The following ARID1B variants were observed in gnomAD, a reference collection of about 807,000 sequenced individuals.
ARID1B encodes AT-rich interactive domain-containing protein 1B.
ARID1B carries 30 observed loss-of-function variants against 212.3 expected under a neutral mutation model. The ratio of observed to expected loss-of-function variants is 0.14; its 90% CI spans 0.11 to 0.19. The LOEUF is 0.19. ARID1B is among the 10% of genes least tolerant of loss of function. The probability of loss-of-function intolerance (pLI) is 1.00; values close to 1 mark genes in which losing one functional copy is unlikely to be tolerated. For synonymous variants in ARID1B, 1,402 were observed against 1,301.7 expected, an observed-to-expected ratio of 1.08 and a Z score of -1.66; for missense variants, 2,891 against 3,204.0, an observed-to-expected ratio of 0.90 and a Z score of 2.36.
At chr6:156,858,071 G>C (rs287911) in intron 2 of ARID1B, among the ~76,000 whole-genome samples, 97,895 of 152,010 alleles carry the variant, frequency 0.64, 31,891 homozygotes, top group African/African-American at 0.7. Context: ...CTGTCATTTC[G>C]AACAACGTGG....
At chr6:157,023,252 A>T (rs774857218) in intron 4 of ARID1B, 2 of 152,230 alleles carry the variant, frequency 1.3e-5, no homozygotes, top group African/African-American at 2.4e-5. Context: ...CATTGTGAGG[A>T]TAAACACTGA....
chr6:157,174,011 C>T lies in ARID1B; in HGVS notation c.3239C>T (p.Ser1080Phe), dbSNP rs1791904755. 1 of 1,613,710 alleles carries T rather than the reference C, an allele frequency of 6.2e-7. No homozygotes were observed. The highest frequency in any genetic ancestry group is 8.5e-7 in the Non-Finnish European group (1 of 1,179,588). Reference sequence around the variant, plus strand: ...TCTTTCTCCTGTTTTCGATTAGCATCTGTGGGTCTTGCAGATATGATGTCT... The same window carrying T: ...TCTTTCTCCTGTTTTCGATTAGCATTTGTGGGTCTTGCAGATATGATGTCT... ...APAMVNSSAA[S>F]VGLADMMSPG... The change falls in exon 10 of 20, where the codon TCT becomes TTT. Residue 1080 changes from serine (S) to phenylalanine (F), a missense_variant. Around this residue, in one of 7 missense-constraint regions of ARID1B, gnomAD observed 1,643 missense variants for 1,544.0 expected, o/e 1.06. Transcript: ENST00000636930.
rs2128399478 is a variant in ARID1B, at chr6:157,207,793, C to T, written c.7021C>T (p.His2341Tyr). The T allele has an allele frequency of 6.4e-7, 1 of 1,559,190 alleles. No individual in the cohort carries two copies. The highest frequency in any genetic ancestry group is 8.7e-7 in the Non-Finnish European group (1 of 1,149,700). The change falls in exon 20 of 20, where the codon CAC becomes TAC. Residue 2341 changes from histidine to tyrosine, a missense_variant. Physicochemically the swap from His to Tyr is moderately conservative, Grantham distance 83. Coordinates refer to ENST00000636930, the MANE Select transcript of ARID1B (RefSeq NM_001374828.1). This position sits in a 1 kb window ranked among gnomAD's most constrained non-coding sequence, Gnocchi z 8.5. ...VDENRSEFLLHEGRLLDISIS... is the reference protein window; with the variant it reads ...VDENRSEFLLYEGRLLDISIS... ...CGAAAACCGCTCGGAATTCCTTTTG[C>T]ACGAGGGCCGGTTGCTGGATATCTC...
In ARID1B at chr6:156,958,497, G is replaced by C. The variant is rs75496579; in HGVS notation, c.2247+22921G>C. 8.1e-3 allele frequency among the ~76,000 whole-genome samples: 1,233 copies of C among 152,282 alleles called. 23 individuals are homozygous for C. Among genetic ancestry groups the C allele is most frequent in the African/African-American group, 0.028 (1,181 of 41,546 alleles). ...TTTGTTAAGCAATTCTTGAGCCTTT[G>C]TAGTGTGCTATTATGATGGATACAC... On this transcript the variant is annotated intron_variant, in intron 4 of 19. Coordinates refer to ENST00000636930, the MANE Select transcript of ARID1B (RefSeq NM_001374828.1).
chr6:157,120,132 C>T (rs1424218442), intron 6 of ARID1B, among the ~76,000 whole-genome samples: 2 of 152,196 alleles, frequency 1.3e-5, no homozygotes, highest in Non-Finnish European at 2.9e-5. Flanking sequence ...GGCATAGCGA[C>T]GTACGTACTT....
chr6:156,838,350 A>ACATGG (rs1176387555), intron 2 of ARID1B, among the ~76,000 whole-genome samples: 1 of 152,152 alleles, frequency 6.6e-6, no homozygotes, highest in Non-Finnish European at 1.5e-5. Context: ...TGGTCCTGAG[A>ACATGG]CATGGTATAA....
chr6:156,913,544 T>A (rs1229979667), intron 3 of ARID1B, among the ~76,000 whole-genome samples: 5 of 152,114 alleles, frequency 3.3e-5, no homozygotes, highest in Non-Finnish European at 7.4e-5. Context: ...AATATATTAT[T>A]AACTACAGTC....
At chr6:156,997,293 C>T (rs1778649939) in intron 4 of ARID1B, among the ~76,000 whole-genome samples, 1 of 152,174 alleles carries the variant, frequency 6.6e-6, no homozygotes, top group Non-Finnish European at 1.5e-5. Context: ...GATTATATTA[C>T]AGAATTCCTC....
intron 4 of ARID1B, chr6:156,943,964 C>T (rs1431817082): frequency 1.3e-5 from 2 of 152,086 alleles, no homozygotes; most frequent in African/African-American, 4.8e-5. Flanking sequence ...GCTGGGAGAC[C>T]TATTCTAATC....
At chr6:157,117,298 A>T (rs1286135334) in intron 6 of ARID1B, among the ~76,000 whole-genome samples, 1 of 152,172 alleles carries the variant, frequency 6.6e-6, no homozygotes, top group Non-Finnish European at 1.5e-5. Flanking sequence ...TCATTATTCA[A>T]TATGTCTTCA....
chr6:156,910,089 A>G (rs960213993), intron 3 of ARID1B, among the ~76,000 whole-genome samples: 17 of 152,204 alleles, frequency 1.1e-4, no homozygotes, highest in African/African-American at 3.9e-4. Flanking sequence ...GATGCTTCAT[A>G]GGCGATGCTG....
chr6:156,987,005 C>G (rs901412098), intron 4 of ARID1B, among the ~76,000 whole-genome samples: 2 of 152,034 alleles, frequency 1.3e-5, no homozygotes, highest in African/African-American at 4.8e-5. Context: ...ATAGCAAGAC[C>G]CTCATCTCTA....
Position 156,778,633 on chromosome 6 carries a change from G to A in ARID1B, c.953G>A (p.Gly318Asp), listed in dbSNP as rs1325822808. 4 of 1,446,554 alleles carry A rather than the reference G, an allele frequency of 2.8e-6. No individual in the cohort carries two copies. The highest frequency in any genetic ancestry group is 3.7e-6 in the Non-Finnish European group (4 of 1,094,052). 89.6% of individuals were successfully genotyped at this position (1,446,554 alleles called of 1,614,324 possible). The part of the protein sequence containing the change: ...AAVPEFNNYY[G>D]SAAPASGGPG... ...GTCCCGGAGTTTAATAATTACTATG[G>A]CAGCGCTGCCCCTGCGAGCGGCGGC... Residue 318 changes from glycine to aspartate, a missense_variant, in exon 1 of 20, where the codon GGC becomes GAC. Gly to Asp is a moderately conservative substitution (Grantham distance 94). Around this residue, in one of 7 missense-constraint regions of ARID1B, gnomAD observed 1,643 missense variants for 1,544.0 expected, o/e 1.06. Transcript: ENST00000636930.
At chr6:157,123,246 CCCA>C (rs574022138) in intron 6 of ARID1B, among the ~76,000 whole-genome samples, 2,461 of 125,388 alleles carry the variant, frequency 0.02, 175 homozygotes, top group Admixed American at 0.12. Flanking sequence ...CCGCCCCCCC[CCCA>C]CACACACACA....
At chr6:156,897,261 CTTCTTATTATTA>C (rs1486840567) in intron 2 of ARID1B, among the ~76,000 whole-genome samples, 5 of 92,738 alleles carry the variant, frequency 5.4e-5, no homozygotes, top group East Asian at 6.1e-4. Flanking sequence ...TCTTCTTCTT[CTTCTTATTATTA>C]TTATTATTAT....
intron 2 of ARID1B, among the ~76,000 whole-genome samples, chr6:156,834,115 T>C (rs1226276328): frequency 6.6e-6 from 1 of 152,208 alleles, no homozygotes; most frequent in African/African-American, 2.4e-5. Context: ...ATAGTTTGCA[T>C]GAGAGCTCTG....
Position 157,203,136 on chromosome 6 carries a change from C to G in ARID1B, c.5264-730C>G, listed in dbSNP as rs984175329. ...TGATTCTTGGTGCCTGGAGAATGCCCCCAGCCTCCAGGCAGCTCCAGGGAT... is the reference window on the plus strand; with the variant it reads ...TGATTCTTGGTGCCTGGAGAATGCCGCCAGCCTCCAGGCAGCTCCAGGGAT... On this transcript the variant is annotated intron_variant, in intron 18 of 19. Coordinates refer to ENST00000636930, the MANE Select transcript of ARID1B (RefSeq NM_001374828.1). The surrounding 1 kb of genome is among the most constrained non-coding windows in gnomAD (Gnocchi z 4.4). 6.6e-6 allele frequency among the ~76,000 whole-genome samples: 1 copy of G among 150,882 alleles called. No homozygotes were observed. The highest frequency in any genetic ancestry group is 2.5e-5 in the African/African-American group (1 of 40,252).
chr6:157,064,783 G>A (rs1159108307), intron 4 of ARID1B, among the ~76,000 whole-genome samples: 1 of 152,038 alleles, frequency 6.6e-6, no homozygotes, highest in Non-Finnish European at 1.5e-5. Context: ...CTGATACTGC[G>A]TGCACCCCAG....
At position 157,073,639 on chromosome 6, in the gene ARID1B, C is replaced by T. The variant is rs187626005; in HGVS notation, c.2248-11023C>T. Among the ~76,000 whole-genome samples, 226 of 152,174 alleles carry T rather than the reference C, an allele frequency of 1.5e-3. 1 individual carries two copies. The highest frequency in any genetic ancestry group is 5.0e-3 in the African/African-American group (208 of 41,498). On this transcript the variant is annotated intron_variant, in intron 4 of 19. Coordinates refer to ENST00000636930, the MANE Select transcript of ARID1B (RefSeq NM_001374828.1). ...CACTGTGGCATAAATGTTATTTTCT[C>T]TATTTGGGGGGTGGTGAAATTAAGT...
Sources: allele counts gnomAD v4.1 joint callset (sites outside exome capture counted in the v4.1 genomes callset), GRCh38; gene constraint gnomAD v4.1.1; regional missense constraint gnomAD v4.1.1; non-coding constraint Gnocchi (gnomAD v3.1); transcripts MANE v1.5; gene names NCBI Gene and HGNC (gene_info 2026-07-23, HGNC 2026-07-21).